PSD3: variants seen among roughly 807,000 people sequenced by gnomAD.
The protein encoded by PSD3 is PH and SEC7 domain-containing protein 3.
A neutral mutation model predicts 105.5 loss-of-function variants in PSD3; 49 were observed. The observed-to-expected ratio is 0.46, with a 90% CI of 0.37 to 0.59. PSD3 has a LOEUF of 0.59. Ranked by LOEUF, PSD3 falls within the 20% of genes least tolerant of loss-of-function variation. The pLI is 0.00. For missense variants in PSD3, 1,561 were observed against 1,263.8 expected (o/e 1.24, Z -3.57); for synonymous variants, 557 against 457.8 (o/e 1.22, Z -2.77).
At chr8:18,964,821 G>A (rs1824140022) in intron 1 of PSD3, among the ~76,000 whole-genome samples, 1 of 152,142 alleles carries the variant, frequency 6.6e-6, no homozygotes, top group East Asian at 1.9e-4. Context: ...TTATAAACAA[G>A]GTGGCATAGA....
chr8:18,792,346 T>G (rs542898653), intron 8 of PSD3, among the ~76,000 whole-genome samples: 1 of 152,102 alleles, frequency 6.6e-6, no homozygotes, highest in African/African-American at 2.4e-5. Context: ...ATAAAGAAAA[T>G]GTAGTACATA....
chr8:18,586,956 T>G (rs574742544), intron 12 of PSD3, among the ~76,000 whole-genome samples: 14 of 152,280 alleles, frequency 9.2e-5, no homozygotes, highest in Non-Finnish European at 1.5e-4. Context: ...CTGGGATCTT[T>G]GCATCCCCAT....
At chr8:18,764,155 A>G (rs553784085) in intron 9 of PSD3, among the ~76,000 whole-genome samples, 1 of 152,310 alleles carries the variant, frequency 6.6e-6, no homozygotes, top group African/African-American at 2.4e-5. Context: ...TCACTATGAA[A>G]ATTTTCCTGT....
chr8:18,632,155 T>A (rs952145310), intron 11 of PSD3, among the ~76,000 whole-genome samples: 17 of 152,044 alleles, frequency 1.1e-4, no homozygotes, highest in Non-Finnish European at 2.4e-4. Flanking sequence ...ATTCCACATA[T>A]GTACTGGATA....
intron 12 of PSD3, among the ~76,000 whole-genome samples, chr8:18,591,856 C>G (rs1463806158): frequency 6.6e-6 from 1 of 152,030 alleles, no homozygotes; most frequent in African/African-American, 2.4e-5. Flanking sequence ...GTGTTGCAGA[C>G]AGACATCAAA....
intron 1 of PSD3, among the ~76,000 whole-genome samples, chr8:19,044,639 G>C (rs1439070053): frequency 6.6e-6 from 1 of 152,086 alleles, no homozygotes; most frequent in Admixed American, 6.6e-5. Flanking sequence ...TTAACGCCAG[G>C]TAATTGTTTC....
intron 4 of PSD3, among the ~76,000 whole-genome samples, chr8:18,859,309 C>T (rs1816259233): frequency 1.4e-5 from 2 of 147,164 alleles, no homozygotes; most frequent in Admixed American, 1.4e-4. Flanking sequence ...AGCAGATGTG[C>T]TGTTATCTAG....
chr8:18,751,661 C>T (rs1038754045), intron 9 of PSD3, among the ~76,000 whole-genome samples: 7 of 150,066 alleles, frequency 4.7e-5, no homozygotes, highest in African/African-American at 1.5e-4. Context: ...GTGCATTCCA[C>T]ACGGGCACAC....
At chr8:18,546,550 T>C (rs1374414783) in intron 15 of PSD3, among the ~76,000 whole-genome samples, 1 of 152,212 alleles carries the variant, frequency 6.6e-6, no homozygotes, top group Admixed American at 6.5e-5. Context: ...GAAAAAAGAA[T>C]GTAAAATATT....
At chr8:19,042,555 A>G (rs1828160159) in intron 1 of PSD3, among the ~76,000 whole-genome samples, 1 of 152,242 alleles carries the variant, frequency 6.6e-6, no homozygotes, top group African/African-American at 2.4e-5. Context: ...AAAGTTGACC[A>G]TGTCTGGATA....
intron 9 of PSD3, among the ~76,000 whole-genome samples, chr8:18,749,953 C>G (rs190905606): frequency 1.3e-5 from 2 of 152,160 alleles, no homozygotes; most frequent in African/African-American, 2.4e-5. Flanking sequence ...GAAATAGACA[C>G]AGTCCTGCCT....
Position 18,828,603 on chromosome 8 carries a change from C to T in PSD3, c.1635-23705G>A, listed in dbSNP as rs554661642. On this transcript the variant is annotated intron_variant, in intron 4 of 15. Coordinates refer to ENST00000327040, the MANE Select transcript of PSD3 (RefSeq NM_015310.4). ...ACTGCTCGAGCCCGGGAGTTCAAGA[C>T]CAGCCTGGGCAACATGGTGGACTCC... is the stretch of plus-strand genomic sequence containing the variant. Among the ~76,000 whole-genome samples, 3 of 151,872 alleles carry T rather than the reference C, an allele frequency of 2.0e-5. No individual in the cohort carries two copies. In the South Asian group the frequency reaches 6.3e-4, roughly 32 times the overall value.
chr8:18,750,884 C>A (rs545000538), intron 9 of PSD3, among the ~76,000 whole-genome samples: 1 of 152,244 alleles, frequency 6.6e-6, no homozygotes, highest in South Asian at 2.1e-4. Flanking sequence ...AAACCTTGAG[C>A]TAGATACAGA....
chr8:18,943,278 G>A (rs4921974), intron 1 of PSD3, among the ~76,000 whole-genome samples: 61,425 of 151,942 alleles, frequency 0.4, 12,902 homozygotes, highest in Middle Eastern at 0.57. Context: ...GAGACGTCCA[G>A]TGTAAAAAGG....
At chr8:19,078,257 G>A (rs1332781303) in intron 1 of PSD3, among the ~76,000 whole-genome samples, 1 of 151,860 alleles carries the variant, frequency 6.6e-6, no homozygotes, top group Non-Finnish European at 1.5e-5. Context: ...AGCAGATTGT[G>A]GAAGCAAATC....
chr8:18,647,708 C>A (rs1457841276), intron 10 of PSD3, among the ~76,000 whole-genome samples: 1 of 150,188 alleles, frequency 6.7e-6, no homozygotes, highest in Non-Finnish European at 1.5e-5. Context: ...GATCTGTGTC[C>A]CCGCTCAAAT....
chr8:18,683,817 A>G, intron 9 of PSD3: 1 of 765,298 alleles, frequency 1.3e-6, no homozygotes, highest in Non-Finnish European at 2.4e-6. Flanking sequence ...GGAAATTTTC[A>G]TGGACTTTGA....
chr8:18,708,580 G>C (rs1380016795), intron 9 of PSD3, among the ~76,000 whole-genome samples: 2 of 151,992 alleles, frequency 1.3e-5, no homozygotes, highest in African/African-American at 4.8e-5. Flanking sequence ...CTAACCTTCT[G>C]TAACAGACAA....
At chr8:18,549,701 A>G (rs1279892549) in intron 15 of PSD3, among the ~76,000 whole-genome samples, 1 of 152,218 alleles carries the variant, frequency 6.6e-6, no homozygotes, top group Non-Finnish European at 1.5e-5. Context: ...TTTTAAATGT[A>G]GCTGCTAGAA....
Sources: allele counts gnomAD v4.1 joint callset (sites outside exome capture counted in the v4.1 genomes callset), GRCh38; gene constraint gnomAD v4.1.1; transcripts MANE v1.5; gene names NCBI Gene and HGNC (gene_info 2026-07-23, HGNC 2026-07-21).